Variants in SRGAP3 observed in about 807,000 individuals in gnomAD.
The protein encoded by SRGAP3 is SLIT-ROBO Rho GTPase activating protein 3, also known as SLIT-ROBO Rho GTPase-activating protein 3.
Under a neutral mutation model 121.1 loss-of-function variants are expected in SRGAP3, and 39 were observed. The ratio of observed to expected loss-of-function variants is 0.32; its 90% CI spans 0.25 to 0.42. SRGAP3 has a LOEUF of 0.42. Ranked by LOEUF, SRGAP3 falls within the 10% of genes least tolerant of loss-of-function variation. The pLI, the probability that SRGAP3 is intolerant of heterozygous loss-of-function variation, is 1.00. For missense variants in SRGAP3, 1,213 were observed against 1,470.6 expected, an observed-to-expected ratio of 0.82 and a Z score of 2.86; for synonymous variants, 601 against 570.0, an observed-to-expected ratio of 1.05 and a Z score of -0.77.
At chr3:8,992,824 C>T (rs1942139494) in intron 20 of SRGAP3, 82 bp downstream of exon 20, 2 of 1,610,096 alleles carry the variant, frequency 1.2e-6, no homozygotes, top group African/African-American at 2.7e-5. Flanking sequence ...CTCCTTCTCT[C>T]CTCTCTGCCC....
intron 1 of SRGAP3, chr3:9,355,984 G>C (rs2030478745): frequency 6.6e-6 from 1 of 152,114 alleles, no homozygotes; most frequent in African/African-American, 2.4e-5. Flanking sequence ...CATGATAACA[G>C]CATTAATTCA....
chr3:9,197,679 C>T (rs1468526964), intron 1 of SRGAP3, among the ~76,000 whole-genome samples: 1 of 152,134 alleles, frequency 6.6e-6, no homozygotes, highest in Non-Finnish European at 1.5e-5. Flanking sequence ...TCCTGTGATC[C>T]CAGATCATGC....
intron 1 of SRGAP3, among the ~76,000 whole-genome samples, chr3:9,222,676 A>C (rs2125202701): frequency 6.6e-6 from 1 of 152,356 alleles, no homozygotes; most frequent in East Asian, 1.9e-4. Context: ...TAACTGGCTA[A>C]CTTATCCATC....
chr3:9,294,606 AC>A (rs1954921275), intron 3 of SRGAP3, among the ~76,000 whole-genome samples: 1 of 151,960 alleles, frequency 6.6e-6, no homozygotes, highest in Non-Finnish European at 1.5e-5. Context: ...CACCACCCAC[AC>A]CTGCTTGATT....
intron 19 of SRGAP3, chr3:8,994,077 T>G (rs1942241461): frequency 2.0e-6 from 1 of 493,824 alleles, no homozygotes; most frequent in Non-Finnish European, 3.7e-6. Flanking sequence ...GTGATGGCAC[T>G]CCCTGGGGGC....
intron 2 of SRGAP3, among the ~76,000 whole-genome samples, chr3:9,328,585 A>C (rs963484975): frequency 3.3e-5 from 5 of 152,374 alleles, no homozygotes; most frequent in African/African-American, 9.6e-5. Context: ...ACTTTACCAA[A>C]GGTAACCTCC....
chr3:9,140,515 C>T (rs933372512), intron 1 of SRGAP3, among the ~76,000 whole-genome samples: 1 of 152,130 alleles, frequency 6.6e-6, no homozygotes, highest in African/African-American at 2.4e-5. Flanking sequence ...AGTAAATATC[C>T]ACTGAACACC....
chr3:9,010,505 C>A, intron 17 of SRGAP3, 118 bp from the exon 18 acceptor site: 1 of 1,008,220 alleles, frequency 9.9e-7, no homozygotes, highest in Non-Finnish European at 1.6e-6. Flanking sequence ...AGATGCAGGC[C>A]TATACCATCC....
chr3:9,159,623 T>TAAGA (rs1950540644), intron 1 of SRGAP3, among the ~76,000 whole-genome samples: 1 of 151,008 alleles, frequency 6.6e-6, no homozygotes, highest in Non-Finnish European at 1.5e-5. Flanking sequence ...AGTTTACCCA[T>TAAGA]ATAACAAACC....
intron 3 of SRGAP3, among the ~76,000 whole-genome samples, chr3:9,089,818 T>C (rs951591880): frequency 2.0e-5 from 3 of 152,178 alleles, no homozygotes; most frequent in African/African-American, 7.2e-5. Flanking sequence ...TTGCCTTCAG[T>C]GATCAGATCA....
At chr3:9,152,417 GTCTC>G (rs1433483994) in intron 1 of SRGAP3, among the ~76,000 whole-genome samples, 2 of 152,136 alleles carry the variant, frequency 1.3e-5, no homozygotes, top group East Asian at 1.9e-4. Context: ...CTCTCTCTCT[GTCTC>G]TCTAACATTT....
intron 5 of SRGAP3, among the ~76,000 whole-genome samples, chr3:9,062,555 A>C (rs913964341): frequency 2.6e-5 from 4 of 152,210 alleles, no homozygotes; most frequent in Non-Finnish European, 4.4e-5. Flanking sequence ...AGCCCCTGGA[A>C]ACCAATCATC....
rs188207766 is a variant in SRGAP3 at position 9,346,918 on chromosome 3, G to T, written n.214+15922C>A. On this transcript the variant is annotated intron_variant and non_coding_transcript_variant, in intron 1 of 3. Transcript: ENST00000490889. ...TTACAGGCGCCTGCCACCACACCTG[G>T]CTAGTTTTTGTATTTTTAGTAGAGA... is the stretch of plus-strand genomic sequence containing the variant. Among the ~76,000 whole-genome samples, 872 of 151,928 alleles carry T rather than the reference G, an allele frequency of 5.7e-3. 5 individuals are homozygous for T. The highest frequency in any genetic ancestry group is 0.011 in the Admixed American group (165 of 15,268).
Position 8,990,617 on chromosome 3 carries a change from G to T in SRGAP3, c.2781C>A (p.Asp927Glu). ...AGTGCCCTTCGGAGAGCGCCTTCTT[G>T]TCAGGGTAGTTGATGCTGCCAGCGC... ...FGSAGSINYP[D>E]KKALSEGHSM... Residue 927 changes from aspartate to glutamate, a missense_variant, in exon 21 of 22, where the codon GAC (aspartate) becomes GAA (glutamate). Transcript: ENST00000383836. 6.2e-7 allele frequency: 1 copy of T among 1,613,024 alleles called. No homozygotes were observed. The highest frequency in any genetic ancestry group is 8.5e-7 in the Non-Finnish European group (1 of 1,179,696).
intron 1 of SRGAP3, among the ~76,000 whole-genome samples, chr3:9,166,170 A>C (rs1560316375): frequency 6.6e-6 from 1 of 152,028 alleles, no homozygotes. Context: ...CTAGTCTATA[A>C]CCTTTCTTCC....
intron 3 of SRGAP3, among the ~76,000 whole-genome samples, chr3:9,289,522 G>C (rs1411403165): frequency 6.6e-6 from 1 of 152,202 alleles, no homozygotes; most frequent in Non-Finnish European, 1.5e-5. Context: ...TTGGTTGTGT[G>C]AATTCATGTT....
chr3:9,124,222 C>T (rs1949133454), intron 2 of SRGAP3, among the ~76,000 whole-genome samples: 1 of 152,004 alleles, frequency 6.6e-6, no homozygotes, highest in Non-Finnish European at 1.5e-5. Flanking sequence ...GGGAAAGAGC[C>T]GGGGCACTGA....
At chr3:9,112,203 T>C (rs73017426) in intron 2 of SRGAP3, among the ~76,000 whole-genome samples, 10,130 of 152,248 alleles carry the variant, frequency 0.067, 400 homozygotes, top group African/African-American at 0.079. Flanking sequence ...TGCCCTGGGA[T>C]CAGGGTCCCT....
intron 18 of SRGAP3, among the ~76,000 whole-genome samples, chr3:8,997,297 T>C (rs914324074): frequency 6.6e-6 from 1 of 152,208 alleles, no homozygotes; most frequent in African/African-American, 2.4e-5. Context: ...GGCATGGCTC[T>C]GCACACCTCA....
Sources: gnomAD v4.1 joint callset for allele counts (sites outside exome capture counted in the v4.1 genomes callset) on GRCh38, gnomAD v4.1.1 for gene constraint, MANE v1.5 for transcripts, NCBI Gene and HGNC (gene_info 2026-07-23, HGNC 2026-07-21) for gene names.